DPY19L2: variants seen among roughly 807,000 people sequenced by gnomAD.
The protein encoded by DPY19L2 is dpy-19 like 2.
Under a neutral mutation model 97.9 loss-of-function variants are expected in DPY19L2, and 34 were observed. The observed-to-expected ratio is 0.35, with a 90% CI of 0.26 to 0.46. The LOEUF is 0.46. Among genes scored for constraint, DPY19L2 ranks in the 20% least tolerant of loss-of-function variants. DPY19L2 has a pLI of 1.00. For synonymous variants in DPY19L2, 230 were observed against 307.9 expected, an observed-to-expected ratio of 0.75 and a Z score of 2.65; for missense variants, 623 against 911.4, an observed-to-expected ratio of 0.68 and a Z score of 4.07.
At chr12:63,623,195 C>A (rs1888977466) in intron 8 of DPY19L2, among the ~76,000 whole-genome samples, 1 of 150,718 alleles carries the variant, frequency 6.6e-6, no homozygotes, top group Non-Finnish European at 1.5e-5. Context: ...TTTCTCAGAC[C>A]TCTTAAATAT....
intron 6 of DPY19L2, among the ~76,000 whole-genome samples, chr12:63,636,608 C>A (rs1319511371): frequency 6.6e-6 from 1 of 150,878 alleles, no homozygotes; most frequent in African/African-American, 2.4e-5. Context: ...GAAAACAAAA[C>A]AAAACAAAAC....
intron 2 of DPY19L2, among the ~76,000 whole-genome samples, chr12:63,665,422 A>C (rs11836401): frequency 0.17 from 25,047 of 151,280 alleles, 2,224 homozygotes; most frequent in East Asian, 0.27. Context: ...GCAGTGAGTC[A>C]AGATCACGCC....
intron 6 of DPY19L2, among the ~76,000 whole-genome samples, chr12:63,632,845 T>C (rs937830016): frequency 2.0e-5 from 3 of 152,116 alleles, no homozygotes; most frequent in Admixed American, 6.6e-5. Flanking sequence ...CAAAACAGCA[T>C]GGTACTGGTA....
At chr12:63,583,750 C>A in intron 17 of DPY19L2, 62 bp downstream of exon 17, 1 of 1,559,834 alleles carries the variant, frequency 6.4e-7, no homozygotes, top group South Asian at 1.1e-5. Flanking sequence ...ATACCTTTGT[C>A]AATTATCCTC....
chr12:63,642,896 C>T (rs565192894), intron 6 of DPY19L2, among the ~76,000 whole-genome samples: 2 of 152,144 alleles, frequency 1.3e-5, no homozygotes, highest in East Asian at 1.9e-4. Flanking sequence ...AATCAATGAA[C>T]GTGGAATATC....
intron 14 of DPY19L2, 58 bp downstream of exon 14, chr12:63,597,751 A>G: frequency 6.7e-7 from 1 of 1,499,566 alleles, no homozygotes; most frequent in Non-Finnish European, 9.1e-7. Context: ...TTCAGATTTT[A>G]AAAAACCTAG....
At position 63,667,905 on chromosome 12, in the gene DPY19L2, G is replaced by A. The variant is rs974827187; in HGVS notation, c.337+152C>T. 18 of 877,266 alleles carry A rather than the reference G, an allele frequency of 2.1e-5. No homozygotes were observed. The Admixed American group carries it at 2.3e-4, about 11-fold the overall frequency. 54.3% of individuals were successfully genotyped at this position (877,266 alleles called of 1,614,324 possible). Reference sequence around the variant, plus strand: ...ATCTCTCTCTCTCCCCTGGTTCAATGACAAGATCTTTGGCCAACTTCTTTC... The same window carrying A: ...ATCTCTCTCTCTCCCCTGGTTCAATAACAAGATCTTTGGCCAACTTCTTTC... On this transcript the variant is annotated intron_variant, in intron 1 of 21. Coordinates refer to ENST00000324472, the MANE Select transcript of DPY19L2 (RefSeq NM_173812.5).
chr12:63,607,629 T>G (rs1886277088), intron 12 of DPY19L2, among the ~76,000 whole-genome samples: 1 of 152,168 alleles, frequency 6.6e-6, no homozygotes, highest in Non-Finnish European at 1.5e-5. Context: ...TTTCCAGACT[T>G]ATCCTTTCAA....
intron 16 of DPY19L2, among the ~76,000 whole-genome samples, chr12:63,589,305 C>A (rs1417810963): frequency 1.9e-5 from 2 of 105,362 alleles, no homozygotes; most frequent in African/African-American, 3.5e-5. Context: ...AATGGAAAAA[C>A]TATCAGAACC....
intron 6 of DPY19L2, among the ~76,000 whole-genome samples, chr12:63,643,083 T>C (rs1468722450): frequency 6.6e-6 from 1 of 152,074 alleles, no homozygotes; most frequent in Non-Finnish European, 1.5e-5. Context: ...AAATTTATAA[T>C]TTTGAGTTTA....
chr12:63,577,139 C>G (rs574750784), intron 19 of DPY19L2, among the ~76,000 whole-genome samples: 57 of 152,090 alleles, frequency 3.7e-4, no homozygotes, highest in African/African-American at 1.3e-3. Context: ...CATACATCTA[C>G]AGTAAACTCA....
chr12:63,645,382 C>T (rs1331685512), intron 5 of DPY19L2, among the ~76,000 whole-genome samples: 1 of 152,066 alleles, frequency 6.6e-6, no homozygotes, highest in Non-Finnish European at 1.5e-5. Context: ...TCATATCCCC[C>T]CTTCATTTCT....
chr12:63,608,528 T>C lies in DPY19L2; in HGVS notation c.1278+88A>G, dbSNP rs1886431255. On this transcript the variant is annotated intron_variant, in intron 12 of 21. Coordinates refer to ENST00000324472, the MANE Select transcript of DPY19L2 (RefSeq NM_173812.5). Reference sequence around the variant, plus strand: ...TAGCTATTTATTAACTATAAATCATTAGCATTTTAAAGCATATTAACTGTG... The same window carrying C: ...TAGCTATTTATTAACTATAAATCATCAGCATTTTAAAGCATATTAACTGTG... 5.9e-6 allele frequency: 7 copies of C among 1,184,642 alleles called. No individual in the cohort carries two copies. The East Asian group carries it at 1.8e-4, about 30-fold the overall frequency. The allele number at this position is 1,184,642 out of a possible 1,614,324, so 73.4% of individuals were successfully genotyped here.
intron 19 of DPY19L2, among the ~76,000 whole-genome samples, chr12:63,577,328 A>G (rs1370965011): frequency 1.3e-5 from 2 of 152,158 alleles, no homozygotes; most frequent in African/African-American, 4.8e-5. Context: ...AAACTCTGAA[A>G]TTACTACAAG....
At chr12:63,613,028 T>C (rs1191380003) in intron 11 of DPY19L2, among the ~76,000 whole-genome samples, 1 of 152,056 alleles carries the variant, frequency 6.6e-6, no homozygotes, top group East Asian at 1.9e-4. Context: ...AAAACATTCC[T>C]ACAAAGAAAG....
chr12:63,562,558 G>T (rs2936228), intron 21 of DPY19L2, among the ~76,000 whole-genome samples: 77,708 of 151,710 alleles, frequency 0.51, 21,190 homozygotes, highest in African/African-American at 0.72. Flanking sequence ...TATGTTTAAC[G>T]TTTTACAAAA....
intron 4 of DPY19L2, among the ~76,000 whole-genome samples, chr12:63,647,665 G>T (rs1893605357): frequency 6.6e-6 from 1 of 152,092 alleles, no homozygotes; most frequent in Non-Finnish European, 1.5e-5. Flanking sequence ...ATTCAGAAAT[G>T]CAAAGGGCCA....
intron 21 of DPY19L2, among the ~76,000 whole-genome samples, chr12:63,564,522 A>T (rs2137250742): frequency 6.6e-6 from 1 of 152,254 alleles, no homozygotes; most frequent in South Asian, 2.1e-4. Flanking sequence ...TAGTTTCTAA[A>T]CATTTGAGGG....
At chr12:63,586,510 C>G (rs140683875) in intron 16 of DPY19L2, among the ~76,000 whole-genome samples, 3,376 of 152,218 alleles carry the variant, frequency 0.022, 88 homozygotes, top group African/African-American at 0.057. Context: ...AACAGCTCAG[C>G]GCTGAAGCAA....
Sources: allele counts gnomAD v4.1 joint callset (sites outside exome capture counted in the v4.1 genomes callset), GRCh38; gene constraint gnomAD v4.1.1; transcripts MANE v1.5; gene names NCBI Gene and HGNC (gene_info 2026-07-23, HGNC 2026-07-21).